The following RBFOX1 variants were observed in gnomAD, a reference collection of about 807,000 sequenced individuals.
The protein encoded by RBFOX1 is RNA binding fox-1 homolog 1.
A neutral mutation model predicts 57.7 loss-of-function variants in RBFOX1; 8 were observed. The ratio of observed to expected loss-of-function variants is 0.14; its 90% CI spans 0.08 to 0.25. RBFOX1 has a LOEUF of 0.25. RBFOX1 is among the 10% of genes least tolerant of loss of function. The pLI is 1.00. For synonymous variants in RBFOX1, 326 were observed against 222.4 expected, an observed-to-expected ratio of 1.47 and a Z score of -4.15; for missense variants, 611 against 548.5, an observed-to-expected ratio of 1.11 and a Z score of -1.14.
chr16:5,288,908 T>C (rs2151167822), intron 1 of RBFOX1, among the ~76,000 whole-genome samples: 1 of 152,156 alleles, frequency 6.6e-6, no homozygotes, highest in Non-Finnish European at 1.5e-5. Context: ...AAGTGGGTCA[T>C]GAGGTCAGGA....
rs1468181849 is a variant in RBFOX1 at position 6,590,814 on chromosome 16, G to C, written c.-63-63789G>C. The stretch of plus-strand genomic sequence containing the variant: ...AGAATATTTTGTTTCATAATACATG[G>C]ACAGCTCTGTCATATTGGCAAGTGC... On this transcript the variant is annotated intron_variant, in intron 2 of 15. Transcript: ENST00000550418. Among the ~76,000 whole-genome samples, 3 of 149,356 alleles carry C rather than the reference G, an allele frequency of 2.0e-5. No individual in the cohort carries two copies. In the South Asian group the frequency reaches 6.6e-4, roughly 33 times the overall value.
intron 3 of RBFOX1, among the ~76,000 whole-genome samples, chr16:6,890,666 C>G (rs562980412): frequency 6.6e-6 from 1 of 152,276 alleles, no homozygotes; most frequent in African/African-American, 2.4e-5. Context: ...GGATTTATCT[C>G]CATCTTGTCT....
intron 1 of RBFOX1, among the ~76,000 whole-genome samples, chr16:5,276,142 A>G (rs1413439720): frequency 6.6e-6 from 1 of 152,248 alleles, no homozygotes; most frequent in Non-Finnish European, 1.5e-5. Context: ...TTCATAACCA[A>G]GAACCCAAAA....
chr16:6,680,140 ATAGGGT>A, intron 3 of RBFOX1, among the ~76,000 whole-genome samples: 1 of 152,170 alleles, frequency 6.6e-6, no homozygotes, highest in Non-Finnish European at 1.5e-5. Flanking sequence ...GGACTACCAC[ATAGGGT>A]TGTGTTTGGG....
chr16:7,391,323 C>T (rs947086622), intron 4 of RBFOX1, among the ~76,000 whole-genome samples: 17 of 152,114 alleles, frequency 1.1e-4, no homozygotes, highest in African/African-American at 4.1e-4. Flanking sequence ...AAGAAGGGCC[C>T]TCATGGAGGT....
At chr16:6,978,968 T>A (rs554532813) in intron 3 of RBFOX1, among the ~76,000 whole-genome samples, 12 of 152,242 alleles carry the variant, frequency 7.9e-5, no homozygotes, top group Non-Finnish European at 1.8e-4. Context: ...GGCTGCCACC[T>A]GTGCTAAGGC....
At chr16:6,195,831 C>T (rs761704222) in intron 1 of RBFOX1, among the ~76,000 whole-genome samples, 4 of 151,954 alleles carry the variant, frequency 2.6e-5, no homozygotes, top group Non-Finnish European at 2.9e-5. Flanking sequence ...AAGCAGTAGC[C>T]ATTTAAGAGC....
intron 4 of RBFOX1, among the ~76,000 whole-genome samples, chr16:7,450,252 G>A (rs2150175913): frequency 6.6e-6 from 1 of 152,018 alleles, no homozygotes; most frequent in Non-Finnish European, 1.5e-5. Flanking sequence ...AAATTAGCTG[G>A]GCATGGTGAC....
intron 2 of RBFOX1, among the ~76,000 whole-genome samples, chr16:6,546,567 G>T (rs1249132809): frequency 6.6e-6 from 1 of 152,114 alleles, no homozygotes; most frequent in African/African-American, 2.4e-5. Flanking sequence ...CATTCTCCCT[G>T]GCTCTTTTCA....
intron 4 of RBFOX1, among the ~76,000 whole-genome samples, chr16:7,221,454 C>T (rs1016269674): frequency 5.3e-5 from 8 of 151,834 alleles, no homozygotes; most frequent in African/African-American, 1.5e-4. Flanking sequence ...GCAACCTCTC[C>T]CTCCCAGGTT....
intron 3 of RBFOX1, among the ~76,000 whole-genome samples, chr16:6,924,196 C>CATAATAATAATAATAATAAT (rs1567902723): frequency 7.9e-6 from 1 of 126,368 alleles, no homozygotes; most frequent in African/African-American, 2.8e-5. Flanking sequence ...ATAATAATAG[C>CATAATAATAATAATAATAAT]AATAATGCCA....
chr16:5,305,133 TA>T (rs1015923727), intron 1 of RBFOX1, among the ~76,000 whole-genome samples: 1 of 152,134 alleles, frequency 6.6e-6, no homozygotes, highest in African/African-American at 2.4e-5. Flanking sequence ...TCTGAACGGG[TA>T]GCCTTACAGA....
chr16:6,414,806 A>T, intron 2 of RBFOX1, among the ~76,000 whole-genome samples: 1 of 152,156 alleles, frequency 6.6e-6, no homozygotes, highest in East Asian at 1.9e-4. Flanking sequence ...CTGTCTTGAG[A>T]CAATTTTCAT....
chr16:7,119,731 C>T (rs888612652), intron 4 of RBFOX1, among the ~76,000 whole-genome samples: 1 of 151,942 alleles, frequency 6.6e-6, no homozygotes, highest in Non-Finnish European at 1.5e-5. Context: ...ACTGATAGAA[C>T]TGAAAAGAGA....
rs537844261 is a variant in RBFOX1 at position 7,444,821 on chromosome 16, C to T, written c.28-73326C>T. On this transcript the variant is annotated intron_variant, in intron 4 of 15. Transcript: ENST00000550418. ...TGTTGGGGTTACAGGCATAAGCCAC[C>T]GTGCCCCACTGACATTTTACTCTTA... Among the ~76,000 whole-genome samples, 7 of 152,196 alleles carry T rather than the reference C, an allele frequency of 4.6e-5. 1 individual carries two copies. The highest frequency in any genetic ancestry group is 4.1e-4 in the South Asian group (2 of 4,822).
chr16:6,193,489 T>G (rs1202801058), intron 1 of RBFOX1, among the ~76,000 whole-genome samples: 1 of 142,704 alleles, frequency 7.0e-6, no homozygotes, highest in African/African-American at 2.6e-5. Flanking sequence ...ATAGACATTA[T>G]CATTTACTGG....
At chr16:6,992,531 C>G (rs10500343) in intron 3 of RBFOX1, among the ~76,000 whole-genome samples, 1 of 152,022 alleles carries the variant, frequency 6.6e-6, no homozygotes, top group Middle Eastern at 3.4e-3. Flanking sequence ...TCCTTAAGTA[C>G]CTTGTTCATC....
chr16:5,579,003 A>C (rs1352775082), intron 2 of RBFOX1, among the ~76,000 whole-genome samples: 1 of 151,772 alleles, frequency 6.6e-6, no homozygotes, highest in African/African-American at 2.4e-5. Context: ...TTGTACCATC[A>C]CGCCCGGCTA....
chr16:6,503,650 C>A (rs1000016047), intron 2 of RBFOX1, among the ~76,000 whole-genome samples: 1 of 152,130 alleles, frequency 6.6e-6, no homozygotes, highest in Non-Finnish European at 1.5e-5. Flanking sequence ...GTCTCAGGGA[C>A]CCCAGTGCAG....
Sources: allele counts gnomAD v4.1 joint callset (sites outside exome capture counted in the v4.1 genomes callset), GRCh38; gene constraint gnomAD v4.1.1; transcripts MANE v1.5; gene names NCBI Gene and HGNC (gene_info 2026-07-23, HGNC 2026-07-21).